MAPKBP1: variants seen among roughly 807,000 people sequenced by gnomAD.
The protein encoded by MAPKBP1 is mitogen-activated protein kinase binding protein 1, also known as mitogen-activated protein kinase-binding protein 1.
A neutral mutation model predicts 170.5 loss-of-function variants in MAPKBP1; 71 were observed. The observed-to-expected ratio is 0.42, with a 90% confidence interval of 0.34 to 0.51. The LOEUF is 0.51. Among genes scored for constraint, MAPKBP1 ranks in the 20% least tolerant of loss-of-function variants. MAPKBP1 has a pLI of 0.06. For missense variants in MAPKBP1, 1,598 were observed against 1,933.0 expected (o/e 0.83, Z 3.25); for synonymous variants, 719 against 757.9 (o/e 0.95, Z 0.84).
chr15:41,803,382 C>G (rs140376562), intron 3 of MAPKBP1, among the ~76,000 whole-genome samples: 108 of 131,990 alleles, frequency 8.2e-4, no homozygotes, highest in African/African-American at 2.9e-3. Context: ...CCACTGCACT[C>G]CAGCCTGAGC....
At position 41,799,797 on chromosome 15, in the gene MAPKBP1, A is replaced by G. The variant is rs373736279; in HGVS notation, c.115-26A>G. On this transcript the variant is annotated intron_variant, in intron 2 of 30. Transcript: ENST00000457542. ...TTCCCAAACACACTCTGTCTGTAACATGTCACTTCTCTCTTCCTCTAACAG... is the reference window on the plus strand; with the variant it reads ...TTCCCAAACACACTCTGTCTGTAACGTGTCACTTCTCTCTTCCTCTAACAG... 7 of 1,589,456 alleles carry G rather than the reference A, an allele frequency of 4.4e-6. No individual in the cohort carries two copies. In the South Asian group the frequency reaches 5.5e-5, roughly 13 times the overall value.
intron 2 of MAPKBP1, among the ~76,000 whole-genome samples, chr15:41,780,649 GGCA>G (rs1289108211): frequency 6.6e-6 from 1 of 151,980 alleles, no homozygotes; most frequent in East Asian, 1.9e-4. Flanking sequence ...CAGGTTTTCT[GGCA>G]GCTTCCTTTT....
At position 41,819,382 on chromosome 15, in the gene MAPKBP1, C is replaced by T. The variant is rs1354797374; in HGVS notation, c.2425+3C>T. The T allele has an allele frequency of 1.2e-6, 2 of 1,613,798 alleles. No homozygotes were observed. The highest frequency in any genetic ancestry group is 1.7e-6 in the Non-Finnish European group (2 of 1,179,932). ...CAAGAGTACCAAGAAGGCACTGGGT[C>T]TGTGGCAGTTGGGTGTGGGGGCAGA... On this transcript the variant is annotated splice_donor_region_variant and intron_variant, in intron 21 of 30. Transcript: ENST00000457542.
chr15:41,820,842 C>T lies in MAPKBP1; in HGVS notation c.2492C>T (p.Ser831Phe). 2.5e-6 allele frequency: 4 copies of T among 1,613,742 alleles called. No homozygotes were observed. The highest frequency in any genetic ancestry group is 3.4e-6 in the Non-Finnish European group (4 of 1,179,798). ...CCTACCTCCCACCAGGCACAGGAGT[C>T]CGTGGGGTTCCTGGACCCAGCTCCT... The part of the protein sequence containing the change: ...SHWEMSRAQE[S>F]VGFLDPAPAA... Residue 831 changes from serine to phenylalanine, a missense_variant, in exon 23 of 31, where the codon TCC (serine) becomes TTC (phenylalanine). This residue lies in a region of MAPKBP1 where 942 missense variants were observed against 953.2 expected (regional missense o/e 0.99). Coordinates refer to ENST00000457542, the MANE Select transcript of MAPKBP1 (RefSeq NM_014994.3).
intron 4 of MAPKBP1, 51 bp downstream of exon 4, chr15:41,810,996 A>C (rs1193571380): frequency 1.2e-6 from 2 of 1,605,312 alleles, no homozygotes; most frequent in Admixed American, 3.3e-5. Flanking sequence ...GAGCTATGAG[A>C]AGGGCACTGT....
chr15:41,822,635 T>C lies in MAPKBP1; in HGVS notation c.3272T>C (p.Ile1091Thr). Reference protein sequence around the residue: ...QVPERSESRSISSRFLLQVQT... With the variant: ...QVPERSESRSTSSRFLLQVQT... ...CCAGAGAGGTCAGAGTCTCGGAGTATCTCTTCACGATTCCTGTTGCAAGTA... is the reference window on the plus strand; with the variant it reads ...CCAGAGAGGTCAGAGTCTCGGAGTACCTCTTCACGATTCCTGTTGCAAGTA... Residue 1091 changes from isoleucine to threonine, a missense_variant, in exon 27 of 31, where the codon ATC (isoleucine) becomes ACC (threonine). Physicochemically the swap from Ile to Thr is moderately conservative, Grantham distance 89 (BLOSUM62 -1). This residue lies in a region of MAPKBP1 where 942 missense variants were observed against 953.2 expected (regional missense o/e 0.99). Transcript: ENST00000457542. 2 of 1,613,978 alleles carry C rather than the reference T, an allele frequency of 1.2e-6. No homozygotes were observed. The highest frequency in any genetic ancestry group is 8.5e-7 in the Non-Finnish European group (1 of 1,179,976).
At chr15:41,775,486 C>A in intron 2 of MAPKBP1, 97 bp downstream of exon 2, 1 of 868,234 alleles carries the variant, frequency 1.2e-6, no homozygotes, top group Middle Eastern at 2.2e-4. Context: ...TAACTAGAAG[C>A]CCTTGTTGAC....
intron 3 of MAPKBP1, among the ~76,000 whole-genome samples, chr15:41,807,143 G>A (rs2064711506): frequency 6.6e-6 from 1 of 152,150 alleles, no homozygotes; most frequent in Non-Finnish European, 1.5e-5. Context: ...GCTATACTGG[G>A]GGCAAGGGGA....
intron 2 of MAPKBP1, among the ~76,000 whole-genome samples, chr15:41,779,747 T>A (rs1478915289): frequency 6.6e-6 from 1 of 152,188 alleles, no homozygotes; most frequent in African/African-American, 2.4e-5. Context: ...CCACATAGAA[T>A]AGATGACTAA....
chr15:41,789,412 G>A (rs1230001513), intron 2 of MAPKBP1, among the ~76,000 whole-genome samples: 1 of 152,196 alleles, frequency 6.6e-6, no homozygotes, highest in Non-Finnish European at 1.5e-5. Context: ...GGCTGTACCA[G>A]GCACTGTAAA....
chr15:41,775,517 C>T, intron 2 of MAPKBP1, 128 bp downstream of exon 2: 1 of 697,460 alleles, frequency 1.4e-6, no homozygotes, highest in Non-Finnish European at 2.5e-6. Context: ...CACATATGAT[C>T]TCTGCAGGCA....
intron 2 of MAPKBP1, among the ~76,000 whole-genome samples, chr15:41,785,900 C>T (rs957710558): frequency 6.6e-6 from 1 of 152,300 alleles, no homozygotes; most frequent in East Asian, 1.9e-4. Flanking sequence ...GCATCTTATT[C>T]TGTGCAGACA....
intron 2 of MAPKBP1, among the ~76,000 whole-genome samples, chr15:41,782,127 T>C (rs1596061702): frequency 6.7e-6 from 1 of 148,872 alleles, no homozygotes; most frequent in Non-Finnish European, 1.5e-5. Flanking sequence ...CTGGGCGTGG[T>C]GGCGGGCGCC....
chr15:41,774,632 G>A, intron 1 of MAPKBP1, 22 bp downstream of exon 1: 1 of 398,790 alleles, frequency 2.5e-6, no homozygotes, highest in Non-Finnish European at 4.4e-6. Flanking sequence ...CCCGAACGGG[G>A]GCGCTGACGA....
rs192091563 is a variant in MAPKBP1, at chr15:41,807,225, A to G, written c.207-3658A>G. Among the ~76,000 whole-genome samples the G allele has an allele frequency of 3.3e-5, 5 of 152,270 alleles. No homozygotes were observed. In the East Asian group the frequency reaches 9.6e-4, roughly 29 times the overall value. ...TTCTATCTACGTAGTGTTCCTACAC[A>G]CACACACATGCATCATTCACCCTTC... is the stretch of plus-strand genomic sequence containing the variant. On this transcript the variant is annotated intron_variant, in intron 3 of 30. Transcript: ENST00000457542.
chr15:41,794,197 A>T (rs2064444936), intron 2 of MAPKBP1, among the ~76,000 whole-genome samples: 2 of 152,162 alleles, frequency 1.3e-5, no homozygotes, highest in South Asian at 2.1e-4. Context: ...ACCCCACTGC[A>T]CTCCAGCCTG....
At chr15:41,804,717 G>A (rs1178443822) in intron 3 of MAPKBP1, among the ~76,000 whole-genome samples, 1 of 152,232 alleles carries the variant, frequency 6.6e-6, no homozygotes, top group Non-Finnish European at 1.5e-5. Flanking sequence ...TCCAGATGGT[G>A]TACAGGCTTT....
intron 12 of MAPKBP1, chr15:41,816,202 A>G (rs2064888571): frequency 2.8e-6 from 1 of 356,338 alleles, no homozygotes; most frequent in Admixed American, 4.3e-5. Context: ...ACTGTTACAG[A>G]CCACAGAAGT....
chr15:41,825,629 C>G lies in MAPKBP1; in HGVS notation c.*193C>G. ...ATTTATTTCCCTGACTGTTGCCTCA[C>G]TTCCTTGGAACTCCTGCCTCCACAG... On this transcript the variant is annotated 3_prime_UTR_variant, in exon 31 of 31. Transcript: ENST00000457542. The G allele has an allele frequency of 1.9e-6, 1 of 528,552 alleles. No individual in the cohort carries two copies. The highest frequency in any genetic ancestry group is 3.3e-5 in the East Asian group (1 of 30,754). The allele number at this position is 528,552 out of a possible 1,614,324, so 32.7% of individuals were successfully genotyped here.
Sources: allele counts gnomAD v4.1 joint callset (sites outside exome capture counted in the v4.1 genomes callset), GRCh38; gene constraint gnomAD v4.1.1; regional missense constraint gnomAD v4.1.1; transcripts MANE v1.5; gene names NCBI Gene and HGNC (gene_info 2026-07-23, HGNC 2026-07-21).